The following GRIA4 variants were observed in gnomAD, a reference collection of about 807,000 sequenced individuals.
The protein encoded by GRIA4 is glutamate receptor 4.
Under a neutral mutation model 104.0 loss-of-function variants are expected in GRIA4, and 34 were observed. The ratio of observed to expected loss-of-function variants is 0.33; its 90% CI spans 0.25 to 0.44. The LOEUF is 0.44. GRIA4 is among the 20% of genes least tolerant of loss of function. The probability of loss-of-function intolerance (pLI) is 1.00; values close to 1 mark genes in which losing one functional copy is unlikely to be tolerated. For missense variants in GRIA4, 750 were observed against 1,096.5 expected (o/e 0.68, Z 4.46); for synonymous variants, 386 against 381.9 (o/e 1.01, Z -0.13).
chr11:105,743,725 G>A (rs867353108), intron 3 of GRIA4, among the ~76,000 whole-genome samples: 1 of 152,066 alleles, frequency 6.6e-6, no homozygotes, highest in East Asian at 1.9e-4. Context: ...TTCTCCCATA[G>A]TATCCAAGAA....
At chr11:105,946,564 T>TG (rs1291281896) in intron 14 of GRIA4, among the ~76,000 whole-genome samples, 3 of 152,094 alleles carry the variant, frequency 2.0e-5, no homozygotes, top group Non-Finnish European at 4.4e-5. Context: ...CCAGCCTGGG[T>TG]GACACAGCCA....
chr11:105,731,593 A>T (rs1591158795), intron 3 of GRIA4, among the ~76,000 whole-genome samples: 1 of 152,348 alleles, frequency 6.6e-6, no homozygotes, highest in Admixed American at 6.5e-5. Flanking sequence ...TTATTGCAGC[A>T]CTATTCACAA....
chr11:105,736,735 T>C (rs1938973680), intron 3 of GRIA4, among the ~76,000 whole-genome samples: 1 of 152,122 alleles, frequency 6.6e-6, no homozygotes, highest in African/African-American at 2.4e-5. Flanking sequence ...TACTATAAAG[T>C]CTGACCTTTT....
intron 14 of GRIA4, among the ~76,000 whole-genome samples, chr11:105,937,558 G>A (rs546474963): frequency 2.4e-4 from 36 of 152,098 alleles, no homozygotes; most frequent in Non-Finnish European, 4.1e-4. Flanking sequence ...AAATACCTCC[G>A]GACAACAAAG....
Position 105,692,073 on chromosome 11 carries a change from A to G in GRIA4, c.248-60908A>G, listed in dbSNP as rs1019154863. Among the ~76,000 whole-genome samples, 4 of 152,094 alleles carry G rather than the reference A, an allele frequency of 2.6e-5. 1 individual carries two copies. The highest frequency in any genetic ancestry group is 4.1e-4 in the South Asian group (2 of 4,830). ...TAGTGGTGACCTATTTGAAAGATGC[A>G]GTTCCAGGATGTAACAGAATTTAGG... On this transcript the variant is annotated intron_variant, in intron 3 of 16. Coordinates refer to ENST00000282499, the MANE Select transcript of GRIA4 (RefSeq NM_000829.4).
intron 3 of GRIA4, among the ~76,000 whole-genome samples, chr11:105,743,000 G>T (rs1488971043): frequency 1.3e-5 from 2 of 152,072 alleles, no homozygotes; most frequent in African/African-American, 4.8e-5. Flanking sequence ...GCCTCCCAAA[G>T]TTCTGGGATT....
At chr11:105,920,867 C>G (rs915572421) in intron 11 of GRIA4, among the ~76,000 whole-genome samples, 7 of 152,168 alleles carry the variant, frequency 4.6e-5, no homozygotes, top group Non-Finnish European at 1.5e-5. Flanking sequence ...CTTACACACT[C>G]CACAGTCTAG....
intron 4 of GRIA4, among the ~76,000 whole-genome samples, chr11:105,859,742 C>A (rs906989449): frequency 6.6e-6 from 1 of 151,012 alleles, no homozygotes; most frequent in Non-Finnish European, 1.5e-5. Context: ...CAAAAAAAAT[C>A]TTAGCATTAT....
At chr11:105,934,917 A>G (rs938454383) in intron 14 of GRIA4, among the ~76,000 whole-genome samples, 3 of 152,160 alleles carry the variant, frequency 2.0e-5, no homozygotes, top group African/African-American at 7.2e-5. Context: ...GCACAGATTC[A>G]AGAGGAAATC....
At chr11:105,649,354 C>T (rs1453402472) in intron 3 of GRIA4, among the ~76,000 whole-genome samples, 1 of 152,006 alleles carries the variant, frequency 6.6e-6, no homozygotes, top group Non-Finnish European at 1.5e-5. Flanking sequence ...TCTTTCAAAA[C>T]TTTGATATAG....
chr11:105,731,725 C>A (rs1267106476), intron 3 of GRIA4, among the ~76,000 whole-genome samples: 1 of 152,010 alleles, frequency 6.6e-6, no homozygotes, highest in African/African-American at 2.4e-5. Context: ...ATGTACTTTG[C>A]AGGGACATGG....
chr11:105,682,120 T>C (rs972569042), intron 3 of GRIA4, among the ~76,000 whole-genome samples: 1 of 152,198 alleles, frequency 6.6e-6, no homozygotes, highest in Non-Finnish European at 1.5e-5. Context: ...AAATTTCACA[T>C]GTGGTTCACA....
intron 3 of GRIA4, among the ~76,000 whole-genome samples, chr11:105,744,636 C>T (rs1015852309): frequency 6.6e-6 from 1 of 152,024 alleles, no homozygotes; most frequent in East Asian, 1.9e-4. Context: ...TCCTCTAGAC[C>T]CAGGACTTCA....
At chr11:105,932,212 C>T (rs1308708729) in intron 13 of GRIA4, among the ~76,000 whole-genome samples, 4 of 151,974 alleles carry the variant, frequency 2.6e-5, no homozygotes, top group African/African-American at 9.7e-5. Context: ...GATCTTGGCT[C>T]ACTGCAGCCT....
chr11:105,634,202 C>T (rs1591473764), intron 3 of GRIA4, among the ~76,000 whole-genome samples: 1 of 151,810 alleles, frequency 6.6e-6, no homozygotes, highest in Non-Finnish European at 1.5e-5. Flanking sequence ...CAAAAATTAG[C>T]AGCATGTGGT....
At chr11:105,858,999 C>CA (rs1286653920) in intron 4 of GRIA4, among the ~76,000 whole-genome samples, 1 of 152,028 alleles carries the variant, frequency 6.6e-6, no homozygotes, top group Admixed American at 6.6e-5. Context: ...CTTTGGCCAA[C>CA]AATATTATAC....
At chr11:105,968,365 C>T (rs1858500701) in intron 14 of GRIA4, among the ~76,000 whole-genome samples, 1 of 152,198 alleles carries the variant, frequency 6.6e-6, no homozygotes, top group African/African-American at 2.4e-5. Flanking sequence ...AGAATTACCA[C>T]TGTTCTTTCC....
At chr11:105,841,052 C>T (rs1022578485) in intron 4 of GRIA4, among the ~76,000 whole-genome samples, 1 of 152,044 alleles carries the variant, frequency 6.6e-6, no homozygotes, top group African/African-American at 2.4e-5. Context: ...AATTTTCTTT[C>T]AGTCTTCTTT....
chr11:105,697,239 G>C (rs1023674020), intron 3 of GRIA4, among the ~76,000 whole-genome samples: 14 of 152,288 alleles, frequency 9.2e-5, no homozygotes, highest in African/African-American at 3.1e-4. Context: ...TTCTTCACCT[G>C]TATTGGAAAA....
Sources: gnomAD v4.1 joint callset for allele counts (sites outside exome capture counted in the v4.1 genomes callset) on GRCh38, gnomAD v4.1.1 for gene constraint, MANE v1.5 for transcripts, NCBI Gene and HGNC (gene_info 2026-07-23, HGNC 2026-07-21) for gene names.